The following OTOGL variants were observed in gnomAD, a reference collection of about 807,000 sequenced individuals.
OTOGL encodes otogelin like, also known as otogelin-like protein.
Under a neutral mutation model 318.5 loss-of-function variants are expected in OTOGL, and 285 were observed. The observed-to-expected ratio is 0.89, with a 90% CI of 0.81 to 0.99. OTOGL has a LOEUF of 0.99. Ranked by LOEUF, OTOGL falls within the 50% of genes least tolerant of loss-of-function variation. The probability of loss-of-function intolerance (pLI) is 0.00; values close to 1 mark genes in which losing one functional copy is unlikely to be tolerated. For synonymous variants in OTOGL, 987 were observed against 936.5 expected (o/e 1.05, Z -0.99); for missense variants, 2,899 against 2,845.6 (o/e 1.02, Z -0.43).
chr12:80,329,155 A>G, intron 37 of OTOGL, 36 bp downstream of exon 37: 7 of 1,405,532 alleles, frequency 5.0e-6, no homozygotes, highest in East Asian at 2.5e-5. Flanking sequence ...AAGTAGCACT[A>G]TGTAGTTTAA....
chr12:80,229,158 GACT>G, intron 7 of OTOGL, 96 bp from the exon 8 acceptor site: 1 of 1,341,834 alleles, frequency 7.5e-7, no homozygotes, highest in South Asian at 1.4e-5. Flanking sequence ...AGTGTCATGG[GACT>G]AATGAAACTA....
intron 1 of OTOGL, among the ~76,000 whole-genome samples, chr12:80,170,862 T>C (rs1874162764): frequency 6.6e-6 from 1 of 152,244 alleles, no homozygotes; most frequent in South Asian, 2.1e-4. Flanking sequence ...TAGAACAAAA[T>C]ATTTTAATTT....
intron 52 of OTOGL, chr12:80,361,204 G>C (rs1373259267): frequency 1.4e-5 from 2 of 140,770 alleles, no homozygotes; most frequent in Non-Finnish European, 3.1e-5. Context: ...AACTTTTTTA[G>C]ATTCTGCATA....
intron 19 of OTOGL, among the ~76,000 whole-genome samples, chr12:80,263,522 G>GAT (rs1882710519): frequency 6.6e-6 from 1 of 151,798 alleles, no homozygotes; most frequent in Non-Finnish European, 1.5e-5. Context: ...TATTAAACTG[G>GAT]ATATATAAAC....
rs1297112114 is a variant in OTOGL, at chr12:80,360,440, TC to T, written c.6267+1548del. ...CCCCTTTTCTCCCCCTCTCTCCCCC[TC>T]CCCCCCCTCGCTCTTTCCCTCTCTC... On this transcript the variant is annotated intron_variant, in intron 52 of 58. Coordinates refer to ENST00000547103, the MANE Select transcript of OTOGL (RefSeq NM_001378609.3). Among the ~76,000 whole-genome samples, 232 of 65,810 alleles carry T rather than the reference TC, an allele frequency of 3.5e-3. 2 individuals carry two copies. Among genetic ancestry groups the T allele is most frequent in the African/African-American group, 0.011 (181 of 16,498 alleles). 43.2% of individuals were successfully genotyped at this position (65,810 alleles called of 152,430 possible).
intron 1 of OTOGL, among the ~76,000 whole-genome samples, chr12:80,126,079 T>C (rs1870815796): frequency 6.6e-6 from 1 of 152,226 alleles, no homozygotes; most frequent in Non-Finnish European, 1.5e-5. Flanking sequence ...TGCCTTCTGC[T>C]AGCTTTTGAG....
In OTOGL at chr12:80,116,400, G is replaced by T. The variant is rs1870168090; in HGVS notation, c.-20+16795G>T. On this transcript the variant is annotated intron_variant, in intron 1 of 58. Transcript: ENST00000547103. ...TGCATCCACTGTCTAACAAGTCCCA[G>T]TGAGATGAACTGGGTACCTCAGTTG... Among the ~76,000 whole-genome samples, 6 of 152,126 alleles carry T rather than the reference G, an allele frequency of 3.9e-5. No individual in the cohort carries two copies. In the South Asian group the frequency reaches 1.2e-3, roughly 32 times the overall value.
chr12:80,344,514 C>A (rs1364194946), intron 44 of OTOGL, among the ~76,000 whole-genome samples: 1 of 152,066 alleles, frequency 6.6e-6, no homozygotes, highest in Non-Finnish European at 1.5e-5. Context: ...TGCACTCCAG[C>A]CTTAATGCTT....
At chr12:80,207,449 C>G (rs934674559) in intron 1 of OTOGL, among the ~76,000 whole-genome samples, 2 of 152,036 alleles carry the variant, frequency 1.3e-5, no homozygotes, top group Non-Finnish European at 2.9e-5. Flanking sequence ...AGGTGATCCC[C>G]CTGGCTCGGC....
chr12:80,289,583 G>C (rs1477330060), intron 26 of OTOGL, among the ~76,000 whole-genome samples: 1 of 152,226 alleles, frequency 6.6e-6, no homozygotes, highest in Non-Finnish European at 1.5e-5. Context: ...TTCTTTCAGA[G>C]ATGTCCTGCC....
At chr12:80,175,923 C>A (rs1364792557) in intron 1 of OTOGL, among the ~76,000 whole-genome samples, 9 of 152,156 alleles carry the variant, frequency 5.9e-5, no homozygotes. Context: ...GAAAACAAAG[C>A]TATTAGTGAT....
At chr12:80,347,594 A>G (rs1889277527) in intron 44 of OTOGL, among the ~76,000 whole-genome samples, 1 of 151,886 alleles carries the variant, frequency 6.6e-6, no homozygotes, top group Non-Finnish European at 1.5e-5. Context: ...CAGTGCTGCA[A>G]TAAACATATG....
intron 1 of OTOGL, among the ~76,000 whole-genome samples, chr12:80,177,754 T>C (rs1874624250): frequency 6.6e-6 from 1 of 152,156 alleles, no homozygotes; most frequent in Non-Finnish European, 1.5e-5. Context: ...TTAATTTTTT[T>C]ACAACAATGT....
intron 21 of OTOGL, 55 bp downstream of exon 21, chr12:80,266,671 C>T (rs949981032): frequency 2.5e-5 from 38 of 1,507,504 alleles, no homozygotes; most frequent in South Asian, 8.5e-5. Context: ...TTTCTCCTTA[C>T]GGGCTAAATG....
chr12:80,157,144 A>G (rs1873177774), intron 1 of OTOGL, among the ~76,000 whole-genome samples: 2 of 152,062 alleles, frequency 1.3e-5, no homozygotes, highest in Non-Finnish European at 2.9e-5. Context: ...AATTGAGGTG[A>G]GGTGATATCT....
intron 1 of OTOGL, among the ~76,000 whole-genome samples, chr12:80,185,344 G>A (rs1245014056): frequency 6.6e-6 from 1 of 152,098 alleles, no homozygotes; most frequent in Non-Finnish European, 1.5e-5. Flanking sequence ...GTGCAGTGGT[G>A]CAATCTTGGC....
chr12:80,188,187 A>C (rs1210918565), intron 1 of OTOGL, among the ~76,000 whole-genome samples: 1 of 152,136 alleles, frequency 6.6e-6, no homozygotes, highest in East Asian at 1.9e-4. Context: ...AAGGTCAGAA[A>C]ATTTTCTGTG....
intron 7 of OTOGL, among the ~76,000 whole-genome samples, chr12:80,228,449 A>G (rs1280321361): frequency 6.6e-6 from 1 of 151,834 alleles, no homozygotes; most frequent in Admixed American, 6.6e-5. Flanking sequence ...CTCAAAAAAC[A>G]AACAAACAAA....
chr12:80,113,197 A>T (rs1191427531), intron 1 of OTOGL, among the ~76,000 whole-genome samples: 1 of 152,122 alleles, frequency 6.6e-6, no homozygotes, highest in Admixed American at 6.6e-5. Context: ...TTTTCAAAAA[A>T]CCATCTCTGG....
Sources: allele counts gnomAD v4.1 joint callset (sites outside exome capture counted in the v4.1 genomes callset), GRCh38; gene constraint gnomAD v4.1.1; transcripts MANE v1.5; gene names NCBI Gene and HGNC (gene_info 2026-07-23, HGNC 2026-07-21).